IQCJ: variants seen among roughly 807,000 people sequenced by gnomAD.
The protein encoded by IQCJ is IQ motif containing J.
Under a neutral mutation model 11.0 loss-of-function variants are expected in IQCJ, and 9 were observed. The ratio of observed to expected loss-of-function variants is 0.82; its 90% CI spans 0.49 to 1.43. The LOEUF (loss-of-function observed/expected upper bound fraction) is 1.43. Ranked by LOEUF, IQCJ falls within the 40% of genes most tolerant of loss-of-function variation. The pLI is 0.00. For missense variants in IQCJ, 146 were observed against 133.2 expected (o/e 1.10, Z -0.47); for synonymous variants, 55 against 51.3 (o/e 1.07, Z -0.31).
intron 1 of IQCJ, among the ~76,000 whole-genome samples, chr3:159,157,504 G>A (rs1014061991): frequency 1.3e-5 from 2 of 152,156 alleles, no homozygotes; most frequent in African/African-American, 2.4e-5. Flanking sequence ...ATGATGAGTA[G>A]TGAACTCATT....
chr3:159,233,668 G>C (rs563556055), intron 1 of IQCJ, among the ~76,000 whole-genome samples: 1 of 152,240 alleles, frequency 6.6e-6, no homozygotes, highest in African/African-American at 2.4e-5. Context: ...AGGCTCAAAG[G>C]AGTCACACAG....
chr3:159,219,849 C>G (rs1470374450), intron 1 of IQCJ, among the ~76,000 whole-genome samples: 1 of 152,128 alleles, frequency 6.6e-6, no homozygotes, highest in African/African-American at 2.4e-5. Context: ...GCCTGCAGTG[C>G]TCTCTCAGTG....
chr3:159,101,693 T>A (rs1460136210), intron 1 of IQCJ, among the ~76,000 whole-genome samples: 1 of 152,202 alleles, frequency 6.6e-6, no homozygotes, highest in Non-Finnish European at 1.5e-5. Flanking sequence ...GCCCATCTAC[T>A]GTGTTTCTGA....
intron 1 of IQCJ, among the ~76,000 whole-genome samples, chr3:159,090,432 T>G (rs1027344360): frequency 3.3e-5 from 5 of 151,798 alleles, no homozygotes; most frequent in African/African-American, 1.2e-4. Context: ...TCCTCCACCC[T>G]CACATAAGTT....
rs1221927658 is a variant in IQCJ at position 159,167,049 on chromosome 3, A to G, written c.10-78794A>G. Among the ~76,000 whole-genome samples, 13 of 152,338 alleles carry G rather than the reference A, an allele frequency of 8.5e-5. No individual in the cohort carries two copies. In the East Asian group the frequency reaches 2.5e-3, roughly 29 times the overall value. On this transcript the variant is annotated intron_variant, in intron 1 of 3. Coordinates refer to ENST00000397832, the MANE Select transcript of IQCJ (RefSeq NM_001042706.3). Reference sequence around the variant, plus strand: ...GTGGACTTGCATATACAAGGCTGCCATTGATCAAACTAAAAATTGGCAAGG... The same window carrying G: ...GTGGACTTGCATATACAAGGCTGCCGTTGATCAAACTAAAAATTGGCAAGG...
rs575309871 is a variant in IQCJ at position 159,138,214 on chromosome 3, C to T, written c.9+68773C>T. Among the ~76,000 whole-genome samples the T allele has an allele frequency of 1.2e-4, 18 of 152,306 alleles. No individual in the cohort carries two copies. The South Asian group carries it at 3.7e-3, about 32-fold the overall frequency. Reference sequence around the variant, plus strand: ...GTCTGGTTTTTCCTGACTCTTTCTGCTGACCAAACACTAATAGGAATATTT... The same window carrying T: ...GTCTGGTTTTTCCTGACTCTTTCTGTTGACCAAACACTAATAGGAATATTT... On this transcript the variant is annotated intron_variant, in intron 1 of 3. Coordinates refer to ENST00000397832, the MANE Select transcript of IQCJ (RefSeq NM_001042706.3).
chr3:159,263,639 G>A lies in IQCJ; in HGVS notation c.*908G>A, dbSNP rs868173779. On this transcript the variant is annotated 3_prime_UTR_variant, in exon 4 of 4. Transcript: ENST00000397832. ...CTTTTGGTTATCATGTTTATTCTGT[G>A]GTAAAAAGGTTTCCCAACACTCAAC... The A allele has an allele frequency of 7.1e-6, 7 of 985,226 alleles. No homozygotes were observed. Among genetic ancestry groups the A allele is most frequent in the Non-Finnish European group, 7.2e-6 (6 of 829,822 alleles). The allele number at this position is 985,226 out of a possible 1,614,324, so 61.0% of individuals were successfully genotyped here.
At chr3:159,101,393 C>A (rs1717907922) in intron 1 of IQCJ, among the ~76,000 whole-genome samples, 1 of 152,094 alleles carries the variant, frequency 6.6e-6, no homozygotes, top group African/African-American at 2.4e-5. Flanking sequence ...GGCTCCTCCC[C>A]CAAGAGGAAA....
At chr3:159,087,788 A>G (rs1276043345) in intron 1 of IQCJ, among the ~76,000 whole-genome samples, 1 of 151,192 alleles carries the variant, frequency 6.6e-6, no homozygotes, top group African/African-American at 2.4e-5. Flanking sequence ...TTTTTATTGC[A>G]TCTATTTGAG....
Position 159,262,727 on chromosome 3 carries a change from A to G in IQCJ, c.335A>G (p.Asn112Ser). The part of the protein sequence containing the change: ...FLFLCPDLTF[N>S] Reference sequence around the variant, plus strand: ...TTTCTATGTCCTGACTTGACATTCAACTGAAAGCCTAGACTTTGGTTCTAA... The same window carrying G: ...TTTCTATGTCCTGACTTGACATTCAGCTGAAAGCCTAGACTTTGGTTCTAA... The change falls in exon 4 of 4, where the codon AAC becomes AGC. Residue 112 changes from asparagine (N) to serine (S), a missense_variant. Coordinates refer to ENST00000397832, the MANE Select transcript of IQCJ (RefSeq NM_001042706.3). The G allele has an allele frequency of 1.9e-6, 3 of 1,612,986 alleles. No individual in the cohort carries two copies. The highest frequency in any genetic ancestry group is 2.5e-6 in the Non-Finnish European group (3 of 1,179,192).
chr3:159,116,050 C>T (rs983683793), intron 1 of IQCJ, among the ~76,000 whole-genome samples: 1 of 151,972 alleles, frequency 6.6e-6, no homozygotes, highest in Non-Finnish European at 1.5e-5. Context: ...GCACATGTAC[C>T]CCAGAACTTC....
In IQCJ at chr3:159,133,734, A is replaced by G. The variant is rs997320499; in HGVS notation, c.9+64293A>G. ...ACATGAATAACATTACATGAATAAT[A>G]TTACAAGAGCCACCTTAGTAGAGTG... On this transcript the variant is annotated intron_variant, in intron 1 of 3. Coordinates refer to ENST00000397832, the MANE Select transcript of IQCJ (RefSeq NM_001042706.3). Among the ~76,000 whole-genome samples, 5 of 152,284 alleles carry G rather than the reference A, an allele frequency of 3.3e-5. 1 individual carries two copies. The South Asian group carries it at 1.0e-3, about 32-fold the overall frequency.
chr3:159,218,341 TTGTGTG>T (rs34078356), intron 1 of IQCJ, among the ~76,000 whole-genome samples: 5 of 145,914 alleles, frequency 3.4e-5, no homozygotes, highest in East Asian at 2.0e-4. Flanking sequence ...GAGTCCCTCT[TTGTGTG>T]TGTGTGTGTG....
Position 159,089,646 on chromosome 3 carries a change from CCTTCTCG to C in IQCJ, c.9+20210_9+20216del, listed in dbSNP as rs1373872971. On this transcript the variant is annotated intron_variant, in intron 1 of 3. Coordinates refer to ENST00000397832, the MANE Select transcript of IQCJ (RefSeq NM_001042706.3). ...TTTTATTCTTTTTTCTCTAAACTTC[CCTTCTCG>C]CTTCATTTCATTCATTTCATCTTCC... 9.9e-5 allele frequency among the ~76,000 whole-genome samples: 15 copies of C among 151,720 alleles called. No individual in the cohort carries two copies. The South Asian group carries it at 3.1e-3, about 31-fold the overall frequency.
At chr3:159,241,792 A>G (rs1173020370) in intron 1 of IQCJ, among the ~76,000 whole-genome samples, 1 of 152,248 alleles carries the variant, frequency 6.6e-6, no homozygotes, top group Non-Finnish European at 1.5e-5. Context: ...GGTGGATGTG[A>G]CAAAAAACCT....
At chr3:159,249,979 G>T (rs76154089) in intron 2 of IQCJ, among the ~76,000 whole-genome samples, 1 of 152,106 alleles carries the variant, frequency 6.6e-6, no homozygotes, top group Non-Finnish European at 1.5e-5. Context: ...CAATTGGTAA[G>T]GCCATTAATT....
chr3:159,174,216 A>G (rs1722650198), intron 1 of IQCJ, among the ~76,000 whole-genome samples: 1 of 151,954 alleles, frequency 6.6e-6, no homozygotes, highest in Non-Finnish European at 1.5e-5. Context: ...TGCTTGTTTT[A>G]TGGTTGCCAT....
At chr3:159,166,608 G>T (rs1722179201) in intron 1 of IQCJ, among the ~76,000 whole-genome samples, 1 of 152,170 alleles carries the variant, frequency 6.6e-6, no homozygotes, top group South Asian at 2.1e-4. Flanking sequence ...AGAATTTGGG[G>T]ATATTACCCT....
At chr3:159,192,838 G>A (rs1723770416) in intron 1 of IQCJ, among the ~76,000 whole-genome samples, 1 of 152,132 alleles carries the variant, frequency 6.6e-6, no homozygotes, top group South Asian at 2.1e-4. Flanking sequence ...TACCTCATCT[G>A]GGAACAGGTC....
Sources: gnomAD v4.1 joint callset for allele counts (sites outside exome capture counted in the v4.1 genomes callset) on GRCh38, gnomAD v4.1.1 for gene constraint, MANE v1.5 for transcripts, NCBI Gene and HGNC (gene_info 2026-07-23, HGNC 2026-07-21) for gene names.